MIA2: variants seen among roughly 807,000 people sequenced by gnomAD.
MIA2 encodes the protein MIA SH3 domain ER export factor 2.
In MIA2, 127 loss-of-function variants were observed where a neutral mutation model predicts 167.8. That is an observed-to-expected ratio of 0.76 (90% confidence interval 0.66 to 0.88). The LOEUF is 0.88. Ranked by LOEUF, MIA2 falls within the 40% of genes least tolerant of loss-of-function variation. The pLI is 0.00. For synonymous variants in MIA2, 552 were observed against 541.9 expected, an observed-to-expected ratio of 1.02 and a Z score of -0.26; for missense variants, 1,690 against 1,624.7, an observed-to-expected ratio of 1.04 and a Z score of -0.69.
intron 19 of MIA2, 36 bp from the exon 20 acceptor site, chr14:39,314,703 T>C: frequency 1.3e-6 from 2 of 1,545,632 alleles, no homozygotes; most frequent in Non-Finnish European, 1.8e-6. Context: ...TTTCATGTTA[T>C]ATGTTAATAG....
At chr14:39,385,883 T>G in intron 23 of MIA2, 1 of 944,338 alleles carries the variant, frequency 1.1e-6, no homozygotes, top group South Asian at 1.3e-5. Flanking sequence ...CTAGCTCCCT[T>G]TCAAGAAAAA....
chr14:39,358,671 A>G (rs184727618), intron 23 of MIA2, among the ~76,000 whole-genome samples: 7 of 152,080 alleles, frequency 4.6e-5, no homozygotes, highest in Non-Finnish European at 8.8e-5. Flanking sequence ...TTTTTCCCCC[A>G]TCTTAGTGGT....
intron 3 of MIA2, among the ~76,000 whole-genome samples, chr14:39,243,340 G>T (rs1470124123): frequency 6.6e-6 from 1 of 152,016 alleles, no homozygotes; most frequent in Non-Finnish European, 1.5e-5. Context: ...CTGTAACTTT[G>T]GGCTGGGATA....
chr14:39,325,854 C>T (rs1321242866), intron 24 of MIA2, among the ~76,000 whole-genome samples: 1 of 152,002 alleles, frequency 6.6e-6, no homozygotes, highest in Non-Finnish European at 1.5e-5. Flanking sequence ...GCTGGGATTA[C>T]AGGCACCTGC....
chr14:39,273,769 A>C (rs1021032487), intron 6 of MIA2, among the ~76,000 whole-genome samples: 6 of 152,100 alleles, frequency 3.9e-5, no homozygotes, highest in African/African-American at 1.4e-4. Flanking sequence ...CTGGAGTCAT[A>C]AGATATATTG....
At chr14:39,303,865 T>C (rs1038313094) in intron 16 of MIA2, among the ~76,000 whole-genome samples, 2 of 151,820 alleles carry the variant, frequency 1.3e-5, no homozygotes, top group African/African-American at 4.9e-5. Context: ...CCCTATATCC[T>C]ATTTTAAGTA....
At chr14:39,357,692 G>T (rs1479154367) in intron 23 of MIA2, among the ~76,000 whole-genome samples, 1 of 152,192 alleles carries the variant, frequency 6.6e-6, no homozygotes, top group Admixed American at 6.5e-5. Context: ...GGCTGTTACA[G>T]GTTGTTCCTT....
chr14:39,347,016 C>T (rs1006577998), intron 26 of MIA2: 48 of 186,596 alleles, frequency 2.6e-4, no homozygotes, highest in African/African-American at 1.0e-3. Flanking sequence ...CTGCAACCTC[C>T]GCCTCCTGGG....
chr14:39,359,538 CTG>C (rs1236433001), intron 23 of MIA2, among the ~76,000 whole-genome samples: 3 of 152,190 alleles, frequency 2.0e-5, no homozygotes, highest in Non-Finnish European at 4.4e-5. Flanking sequence ...GGCTCACACT[CTG>C]TGTGCTGCAC....
In MIA2 at chr14:39,252,936, T is replaced by C; in HGVS notation, c.1756T>C (p.Leu586=). 6.2e-7 allele frequency: 1 copy of C among 1,611,358 alleles called. No homozygotes were observed. Among genetic ancestry groups the C allele is most frequent in the Non-Finnish European group, 8.5e-7 (1 of 1,178,494 alleles). The change falls in exon 5 of 29, where the codon TTG becomes CTG. Residue 586 remains leucine, a synonymous_variant. Transcript: ENST00000640607. The part of the protein sequence containing the change: ...NSQMVSTDNS[L]SSQNYISQKE... ...TCAGATGGTTTCAACTGATAACTCT[T>C]TGTCTTCTCAAAATTATATTTCTCA...
At chr14:39,237,166 G>C (rs1309879719) in intron 2 of MIA2, 111 bp downstream of exon 2, 9 of 1,219,012 alleles carry the variant, frequency 7.4e-6, no homozygotes, top group Non-Finnish European at 1.0e-5. Context: ...TGTCGCCCAG[G>C]CTGGAATGCA....
At chr14:39,320,711 T>C (rs2066264634) in intron 23 of MIA2, among the ~76,000 whole-genome samples, 1 of 152,220 alleles carries the variant, frequency 6.6e-6, no homozygotes, top group South Asian at 2.1e-4. Context: ...ATGTTTTTAT[T>C]GCTTAAAGTG....
At chr14:39,354,208 A>G (rs2074464083), downstream of MIA2, among the ~76,000 whole-genome samples, 1 of 152,230 alleles carries the variant, frequency 6.6e-6, no homozygotes, top group South Asian at 2.1e-4. Flanking sequence ...CTGTTTCTCC[A>G]CAACCTTTCC....
At chr14:39,384,869 C>T (rs778691965) in intron 23 of MIA2, among the ~76,000 whole-genome samples, 9 of 152,112 alleles carry the variant, frequency 5.9e-5, no homozygotes, top group Non-Finnish European at 8.8e-5. Context: ...TTGGGAAAAA[C>T]GTGAAAGGAT....
intron 6 of MIA2, among the ~76,000 whole-genome samples, chr14:39,262,907 G>A (rs2055193660): frequency 6.6e-6 from 1 of 151,822 alleles, no homozygotes; most frequent in South Asian, 2.1e-4. Flanking sequence ...AGCTTAAGGA[G>A]ATTTTGGGCT....
At chr14:39,251,663 C>T (rs2054581691) in intron 4 of MIA2, among the ~76,000 whole-genome samples, 1 of 152,070 alleles carries the variant, frequency 6.6e-6, no homozygotes, top group Non-Finnish European at 1.5e-5. Context: ...TGAATACAGA[C>T]TCCTGATTTG....
intron 23 of MIA2, among the ~76,000 whole-genome samples, chr14:39,358,541 TTC>T (rs1028929533): frequency 1.3e-5 from 2 of 152,230 alleles, no homozygotes; most frequent in African/African-American, 4.8e-5. Flanking sequence ...GTCTGAAGCC[TTC>T]TCTCAACCCG....
intron 7 of MIA2, among the ~76,000 whole-genome samples, chr14:39,279,102 A>G (rs550003599): frequency 2.1e-5 from 3 of 142,768 alleles, no homozygotes; most frequent in South Asian, 4.4e-4. Context: ...TGGAGGTTGC[A>G]GTGAGCTGAG....
At chr14:39,277,634 C>T (rs1347962479) in intron 7 of MIA2, among the ~76,000 whole-genome samples, 3 of 135,736 alleles carry the variant, frequency 2.2e-5, no homozygotes, top group Non-Finnish European at 4.8e-5. Flanking sequence ...CAGGTTTGAG[C>T]CACCATGCTC....
Sources: gnomAD v4.1 joint callset for allele counts (sites outside exome capture counted in the v4.1 genomes callset) on GRCh38, gnomAD v4.1.1 for gene constraint, MANE v1.5 for transcripts, NCBI Gene and HGNC (gene_info 2026-07-23, HGNC 2026-07-21) for gene names.